Variants in ZNF655 observed in about 807,000 individuals in gnomAD.
ZNF655 encodes the protein zinc finger protein 655, also known as Vav-interacting Kruppel-like protein 1.
In ZNF655, 3 loss-of-function variants were observed where a neutral mutation model predicts 6.6. The observed-to-expected ratio is 0.46, with a 90% confidence interval of 0.21 to 1.18. The LOEUF (loss-of-function observed/expected upper bound fraction) is 1.18, where lower values mean the gene tolerates loss of function less well. Ranked by LOEUF, ZNF655 falls within the 50% of genes most tolerant of loss-of-function variation. The pLI is 0.24. For synonymous variants in ZNF655, 178 were observed against 195.0 expected, an observed-to-expected ratio of 0.91 and a Z score of 0.73; for missense variants, 526 against 572.3, an observed-to-expected ratio of 0.92 and a Z score of 0.83.
At chr7:99,559,781 C>T (rs1385540675) in intron 1 of ZNF655, among the ~76,000 whole-genome samples, 1 of 149,766 alleles carries the variant, frequency 6.7e-6, no homozygotes, top group Non-Finnish European at 1.5e-5. Flanking sequence ...GCCTGGGCCA[C>T]CTAATTTTTT....
chr7:99,571,614 TAGTTA>T (rs1451366743), intron 2 of ZNF655: 26 of 1,182,746 alleles, frequency 2.2e-5, no homozygotes, highest in Non-Finnish European at 2.9e-5. Context: ...TCTTAATCAT[TAGTTA>T]AAAGAAAAAG....
intron 1 of ZNF655, among the ~76,000 whole-genome samples, chr7:99,559,667 A>G (rs1246183802): frequency 6.6e-6 from 1 of 152,174 alleles, no homozygotes; most frequent in African/African-American, 2.4e-5. Context: ...TCACGCTGTC[A>G]TACAGGCTGG....
At chr7:99,570,412 T>G (rs1383410853) in intron 2 of ZNF655, 2 of 152,240 alleles carry the variant, frequency 1.3e-5, no homozygotes, top group Non-Finnish European at 2.9e-5. Flanking sequence ...TTCTATCTAT[T>G]CTGATCTCCT....
intron 2 of ZNF655, chr7:99,564,632 CTG>C: frequency 1.0e-6 from 1 of 984,972 alleles, no homozygotes; most frequent in Non-Finnish European, 1.2e-6. Flanking sequence ...ACTTTGTAAA[CTG>C]TAAAGTGACA....
rs567541736 is a variant in ZNF655 at position 99,572,851 on chromosome 7, C to G, written c.743C>G (p.Ser248Cys). 6.2e-7 allele frequency: 1 copy of G among 1,614,084 alleles called. No homozygotes were observed. Among genetic ancestry groups the G allele is most frequent in the Admixed American group, 1.7e-5 (1 of 60,004 alleles). ...KPYKCKECEK[S>C]FSQSSSLSRH... ...TACAAATGTAAAGAATGTGAAAAGT[C>G]TTTCAGTCAGAGCTCAAGTCTTAGT... is the stretch of plus-strand genomic sequence containing the variant. Residue 248 changes from serine to cysteine, a missense_variant, in exon 3 of 3, where the codon TCT becomes TGT. Transcript: ENST00000252713.
At chr7:99,559,584 T>A (rs1227620642) in intron 1 of ZNF655, among the ~76,000 whole-genome samples, 1 of 152,182 alleles carries the variant, frequency 6.6e-6, no homozygotes, top group Non-Finnish European at 1.5e-5. Context: ...CATTTTTCTC[T>A]GGGCACCAAC....
intron 2 of ZNF655, chr7:99,564,146 T>C: frequency 1.3e-6 from 2 of 1,487,980 alleles, no homozygotes; most frequent in Non-Finnish European, 1.8e-6. Flanking sequence ...CTCTGTTTAA[T>C]TTCAAATGTT....
chr7:99,569,789 A>G (rs1193640836), intron 2 of ZNF655, among the ~76,000 whole-genome samples: 1 of 152,010 alleles, frequency 6.6e-6, no homozygotes, highest in Non-Finnish European at 1.5e-5. Context: ...CCTGCTAGGC[A>G]TTTTCTCTTT....
chr7:99,563,065 G>A (rs142839456), intron 2 of ZNF655: 4,337 of 314,716 alleles, frequency 0.014, 39 homozygotes, highest in Non-Finnish European at 0.018. Context: ...GTACATTTCA[G>A]TGAGTCACCC....
chr7:99,571,251 T>G, intron 2 of ZNF655: 1 of 1,289,138 alleles, frequency 7.8e-7, no homozygotes, highest in South Asian at 1.2e-5. Flanking sequence ...ACTGATTCTC[T>G]TGCTACAGGT....
At chr7:99,571,484 C>A in intron 2 of ZNF655, 1 of 1,260,112 alleles carries the variant, frequency 7.9e-7, no homozygotes, top group Non-Finnish European at 1.0e-6. Flanking sequence ...CCCAAGTCAT[C>A]AACTTGCCCC....
At position 99,575,398 on chromosome 7, in the gene ZNF655, G is replaced by C. The variant is rs1274524928; in HGVS notation, c.*1814G>C. ...CTAAAAATACAAAAGTTAGCCGGGT[G>C]TGGTGGCACGCGCCTGTAATCCCAG... is the stretch of plus-strand genomic sequence containing the variant. On this transcript the variant is annotated 3_prime_UTR_variant, in exon 3 of 3. Coordinates refer to ENST00000252713, the MANE Select transcript of ZNF655 (RefSeq NM_138494.3). 6 of 152,200 alleles carry C rather than the reference G, an allele frequency of 3.9e-5. No individual in the cohort carries two copies. The highest frequency in any genetic ancestry group is 1.4e-4 in the African/African-American group (6 of 41,406). 9.4% of individuals were successfully genotyped at this position (152,200 alleles called of 1,614,324 possible). A position where few individuals can be genotyped will look rare whatever the true frequency, so the allele number is the denominator to read the frequency against.
At chr7:99,562,405 C>T in intron 2 of ZNF655, 2 of 1,614,154 alleles carry the variant, frequency 1.2e-6, no homozygotes, top group Non-Finnish European at 1.7e-6. Context: ...GTGCACCTTA[C>T]TCGAGAGGAA....
In ZNF655 at chr7:99,573,194, A is replaced by C; in HGVS notation, c.1086A>C (p.Glu362Asp). ...AAGAGAAAGCCTATGAGTATGATGA[A>C]TATGGGTTGGCCTATATTAAACAAC... is the stretch of plus-strand genomic sequence containing the variant. ...HHEEKAYEYDEYGLAYIKQQG... is the reference protein window; with the variant it reads ...HHEEKAYEYDDYGLAYIKQQG... The change falls in exon 3 of 3, where the codon GAA (glutamate) becomes GAC (aspartate). Residue 362 changes from glutamate (E) to aspartate (D), a missense_variant. Glu to Asp is a conservative substitution (Grantham distance 45, BLOSUM62 2). Transcript: ENST00000252713. The C allele has an allele frequency of 2.5e-6, 4 of 1,614,174 alleles. No individual in the cohort carries two copies. Among genetic ancestry groups the C allele is most frequent in the Non-Finnish European group, 3.4e-6 (4 of 1,180,022 alleles).
intron 1 of ZNF655, among the ~76,000 whole-genome samples, chr7:99,560,230 C>G (rs1803011209): frequency 6.6e-6 from 1 of 151,542 alleles, no homozygotes; most frequent in Admixed American, 6.6e-5. Context: ...GATTACAGAC[C>G]CGCACCACCA....
chr7:99,566,813 C>T (rs1803669493), intron 2 of ZNF655, among the ~76,000 whole-genome samples: 2 of 152,196 alleles, frequency 1.3e-5, no homozygotes. Context: ...CCTCAGCTCC[C>T]CAGAGTCCTG....
intron 2 of ZNF655, chr7:99,561,854 T>C (rs1803201311): frequency 2.8e-6 from 4 of 1,412,282 alleles, no homozygotes; most frequent in Non-Finnish European, 3.7e-6. Context: ...GGGAAAGGGC[T>C]GCTCTCACTC....
chr7:99,558,810 G>A lies in ZNF655; in HGVS notation c.-28+23G>A, dbSNP rs187634037. Reference sequence around the variant, plus strand: ...TCGGTGAGTACCCGGAAGCCGTTTTGGGGTCGCAGCGGGGTGGCAGCTTGT... The same window carrying A: ...TCGGTGAGTACCCGGAAGCCGTTTTAGGGTCGCAGCGGGGTGGCAGCTTGT... On this transcript the variant is annotated intron_variant, in intron 1 of 2. Transcript: ENST00000252713. The A allele has an allele frequency of 7.9e-5, 12 of 152,490 alleles. 1 individual carries two copies. The highest frequency in any genetic ancestry group is 2.9e-4 in the African/African-American group (12 of 41,582). The allele number at this position is 152,490 out of a possible 1,614,324, so 9.4% of individuals were successfully genotyped here. A position where few individuals can be genotyped will look rare whatever the true frequency, so the allele number is the denominator to read the frequency against.
At chr7:99,566,692 C>T (rs978088879) in intron 2 of ZNF655, among the ~76,000 whole-genome samples, 1 of 152,146 alleles carries the variant, frequency 6.6e-6, no homozygotes, top group Non-Finnish European at 1.5e-5. Flanking sequence ...TTCTGGGTAG[C>T]TGGGACTATA....
Sources: allele counts gnomAD v4.1 joint callset (sites outside exome capture counted in the v4.1 genomes callset), GRCh38; gene constraint gnomAD v4.1.1; transcripts MANE v1.5; gene names NCBI Gene and HGNC (gene_info 2026-07-23, HGNC 2026-07-21).